The following TFDP2 variants were observed in gnomAD, a reference collection of about 807,000 sequenced individuals.
The protein encoded by TFDP2 is transcription factor Dp-2, also known as transcription factor Dp-2 (E2F dimerization partner 2).
In TFDP2, 17 loss-of-function variants were observed where a neutral mutation model predicts 59.3. The ratio of observed to expected loss-of-function variants is 0.29; its 90% confidence interval spans 0.20 to 0.43. The LOEUF (loss-of-function observed/expected upper bound fraction) is 0.43, where lower values mean the gene tolerates loss of function less well. TFDP2 is among the 20% of genes least tolerant of loss of function. The pLI, the probability that TFDP2 is intolerant of heterozygous loss-of-function variation, is 1.00. For missense variants in TFDP2, 391 were observed against 528.8 expected (o/e 0.74, Z 2.56); for synonymous variants, 180 against 194.7 (o/e 0.92, Z 0.63).
At chr3:142,099,218 C>T (rs1253124063) in intron 2 of TFDP2, among the ~76,000 whole-genome samples, 1 of 152,104 alleles carries the variant, frequency 6.6e-6, no homozygotes, top group Non-Finnish European at 1.5e-5. Flanking sequence ...TCACCTGGGC[C>T]TCCAGATCAT....
intron 1 of TFDP2, among the ~76,000 whole-genome samples, chr3:142,144,533 A>G (rs910836971): frequency 6.6e-6 from 1 of 152,136 alleles, no homozygotes; most frequent in African/African-American, 2.4e-5. Context: ...TTATTTATTT[A>G]TTCCTATTTA....
At chr3:142,098,113 T>C (rs1178807868) in intron 2 of TFDP2, among the ~76,000 whole-genome samples, 2 of 152,120 alleles carry the variant, frequency 1.3e-5, no homozygotes, top group African/African-American at 4.8e-5. Context: ...TTTTGATTGC[T>C]ACATATACAA....
intron 3 of TFDP2, among the ~76,000 whole-genome samples, chr3:142,058,687 G>A (rs2059820635): frequency 6.6e-6 from 1 of 152,108 alleles, no homozygotes; most frequent in African/African-American, 2.4e-5. Flanking sequence ...GTAAGACAGG[G>A]CAATGGGGCA....
rs775817917 is a variant in TFDP2 at position 141,952,568 on chromosome 3, G to T, written c.1286C>A (p.Ser429Ter). 2.6e-6 allele frequency: 4 copies of T among 1,565,622 alleles called. No homozygotes were observed. Among genetic ancestry groups the T allele is most frequent in the South Asian group, 1.2e-5 (1 of 81,250 alleles). Residue 429 changes from serine to a stop codon, truncating the protein, a stop_gained, in exon 13 of 13, where the codon TCG becomes TAG. Coordinates refer to ENST00000489671, the MANE Select transcript of TFDP2 (RefSeq NM_001178139.2). LOFTEE classifies it high-confidence loss of function. ...ATCTTCCTCATCTTCATCATTGAAC[G>T]AACAGGGGGTCTCGCCTCGGGACTC... The part of the protein sequence containing the change: ...CSESRGETPC[S>*]FNDEDEEDDE...
chr3:141,972,705 G>C (rs1939952325), intron 8 of TFDP2, among the ~76,000 whole-genome samples: 1 of 152,126 alleles, frequency 6.6e-6, no homozygotes, highest in Non-Finnish European at 1.5e-5. Flanking sequence ...TTCTTTCTTA[G>C]GAGTAATCAC....
chr3:141,953,242 G>A lies in TFDP2; in HGVS notation c.1052-226C>T, dbSNP rs944639224. Among the ~76,000 whole-genome samples, 4 of 151,958 alleles carry A rather than the reference G, an allele frequency of 2.6e-5. No individual in the cohort carries two copies. In the East Asian group the frequency reaches 7.7e-4, roughly 29 times the overall value. ...AAAAAAATACGGGAAGGCAGCTTACGGAGAGAAGGTATTCAAATGAAAACA... is the reference window on the plus strand; with the variant it reads ...AAAAAAATACGGGAAGGCAGCTTACAGAGAGAAGGTATTCAAATGAAAACA... On this transcript the variant is annotated intron_variant, in intron 11 of 12. Transcript: ENST00000489671.
intron 10 of TFDP2, among the ~76,000 whole-genome samples, chr3:141,962,296 C>T (rs764755137): frequency 1.8e-4 from 27 of 152,110 alleles, no homozygotes; most frequent in Non-Finnish European, 3.8e-4. Flanking sequence ...TTCATAACCT[C>T]TACTATTTCT....
At chr3:141,957,845 T>C (rs1009459697) in intron 11 of TFDP2, among the ~76,000 whole-genome samples, 130 of 152,200 alleles carry the variant, frequency 8.5e-4, no homozygotes, top group African/African-American at 3.0e-3. Flanking sequence ...TGTTAATGGG[T>C]TTGGGTTTCT....
intron 7 of TFDP2, among the ~76,000 whole-genome samples, chr3:141,976,127 C>T (rs1940607094): frequency 6.6e-6 from 1 of 152,186 alleles, no homozygotes; most frequent in African/African-American, 2.4e-5. Flanking sequence ...GATCCGTCCA[C>T]CTCGGCCTCC....
intron 1 of TFDP2, among the ~76,000 whole-genome samples, chr3:142,123,935 A>G (rs2062142943): frequency 6.6e-6 from 1 of 152,198 alleles, no homozygotes; most frequent in Admixed American, 6.5e-5. Flanking sequence ...GATGACCGAT[A>G]ACAAAATTAA....
At chr3:141,953,333 C>A (rs34879303) in intron 11 of TFDP2, among the ~76,000 whole-genome samples, 1 of 152,266 alleles carries the variant, frequency 6.6e-6, no homozygotes, top group South Asian at 2.1e-4. Context: ...TGGGATACAT[C>A]CCAGTGTACC....
chr3:142,062,090 A>C (rs2059935395), intron 3 of TFDP2, among the ~76,000 whole-genome samples: 1 of 151,930 alleles, frequency 6.6e-6, no homozygotes. Context: ...GACAAGGATG[A>C]AGACCTTTAT....
At chr3:142,053,772 C>G (rs1194979034) in intron 3 of TFDP2, among the ~76,000 whole-genome samples, 1 of 152,076 alleles carries the variant, frequency 6.6e-6, no homozygotes, top group Non-Finnish European at 1.5e-5. Flanking sequence ...TGATAAAGGA[C>G]TTGTAACATG....
At chr3:142,077,937 G>A (rs1020029236) in intron 3 of TFDP2, among the ~76,000 whole-genome samples, 3 of 152,138 alleles carry the variant, frequency 2.0e-5, no homozygotes, top group African/African-American at 7.2e-5. Flanking sequence ...CTCTGGATGA[G>A]AGAGGAGCCC....
chr3:141,969,374 A>G (rs1402668190), intron 9 of TFDP2, among the ~76,000 whole-genome samples: 1 of 149,634 alleles, frequency 6.7e-6, no homozygotes, highest in African/African-American at 2.5e-5. Context: ...GCACTTTGGG[A>G]GGCTGAGGCG....
intron 8 of TFDP2, among the ~76,000 whole-genome samples, chr3:141,970,963 C>T (rs1939639710): frequency 3.3e-5 from 5 of 151,450 alleles, no homozygotes; most frequent in Non-Finnish European, 1.5e-5. Context: ...GAGGCTGAGA[C>T]ACGAGAATTG....
chr3:142,063,835 T>TA (rs5853067), intron 3 of TFDP2, among the ~76,000 whole-genome samples: 66,128 of 150,506 alleles, frequency 0.44, 16,484 homozygotes, highest in East Asian at 0.74. Flanking sequence ...AGCAGGTACT[T>TA]AAAAAAAAAA....
In TFDP2 at chr3:142,044,239, T is replaced by G. The variant is rs1005285055; in HGVS notation, c.83-38695A>C. ...AGCAGCAAAAGGGTTTTTTTTTTTTTTTTTTTTTTTTTTGAGCCGGAGTCT... is the reference window on the plus strand; with the variant it reads ...AGCAGCAAAAGGGTTTTTTTTTTTTGTTTTTTTTTTTTTGAGCCGGAGTCT... On this transcript the variant is annotated intron_variant, in intron 3 of 12. Transcript: ENST00000489671. 4.4e-4 allele frequency: 108 copies of G among 244,800 alleles called. 1 individual carries two copies. The highest frequency in any genetic ancestry group is 2.0e-3 in the African/African-American group (78 of 39,002). 15.2% of individuals were successfully genotyped at this position (244,800 alleles called of 1,614,324 possible). A position where few individuals can be genotyped will look rare whatever the true frequency, so the allele number is the denominator to read the frequency against.
intron 2 of TFDP2, 92 bp from the exon 3 acceptor site, chr3:142,093,219 T>A: frequency 1.4e-6 from 1 of 709,224 alleles, no homozygotes; most frequent in Non-Finnish European, 2.3e-6. Context: ...CAGACATCCA[T>A]ATCAAATATA....
Sources: allele counts gnomAD v4.1 joint callset (sites outside exome capture counted in the v4.1 genomes callset), GRCh38; gene constraint gnomAD v4.1.1; transcripts MANE v1.5; gene names NCBI Gene and HGNC (gene_info 2026-07-23, HGNC 2026-07-21).